The following KHDRBS2 variants were observed in gnomAD, a reference collection of about 807,000 sequenced individuals.
The protein encoded by KHDRBS2 is KH RNA binding domain containing, signal transduction associated 2.
Under a neutral mutation model 44.3 loss-of-function variants are expected in KHDRBS2, and 26 were observed. That is an observed-to-expected ratio of 0.59 (90% CI 0.43 to 0.81). The LOEUF is 0.81. Among genes scored for constraint, KHDRBS2 ranks in the 40% least tolerant of loss-of-function variants. The pLI is 0.00. For missense variants in KHDRBS2, 476 were observed against 433.1 expected (o/e 1.10, Z -0.88); for synonymous variants, 194 against 151.1 (o/e 1.28, Z -2.08).
chr6:61,866,270 G>A (rs181874457), intron 6 of KHDRBS2, among the ~76,000 whole-genome samples: 1 of 152,198 alleles, frequency 6.6e-6, no homozygotes, highest in South Asian at 2.1e-4. Context: ...AATCTAGGTG[G>A]AGGCTCCCAA....
At chr6:62,219,167 CTAAA>C (rs1189809624) in intron 1 of KHDRBS2, among the ~76,000 whole-genome samples, 1 of 148,490 alleles carries the variant, frequency 6.7e-6, no homozygotes, top group African/African-American at 2.4e-5. Flanking sequence ...AAATAAAAAA[CTAAA>C]TAGGCAGATT....
chr6:61,671,898 A>C, the KHDRBS2 span, among the ~76,000 whole-genome samples: 62,697 of 151,242 alleles, frequency 0.41, 13,314 homozygotes, highest in Middle Eastern at 0.51. Context: ...GCACAATGTG[A>C]AGGTTAGTTA....
chr6:62,049,908 T>C (rs1788597510), intron 2 of KHDRBS2, among the ~76,000 whole-genome samples: 1 of 152,010 alleles, frequency 6.6e-6, no homozygotes. Flanking sequence ...TAGAACCAGA[T>C]ATACCACTTG....
chr6:62,199,325 A>G (rs1315028008), intron 1 of KHDRBS2, among the ~76,000 whole-genome samples: 2 of 152,200 alleles, frequency 1.3e-5, no homozygotes, highest in Admixed American at 6.5e-5. Context: ...ACATGATTGT[A>G]TATCTAGAAA....
intron 1 of KHDRBS2, among the ~76,000 whole-genome samples, chr6:62,239,572 C>T (rs2150165915): frequency 1.3e-5 from 1 of 74,774 alleles, no homozygotes; most frequent in Admixed American, 1.1e-4. Context: ...GACCCCATCT[C>T]AATTAAATAA....
intron 4 of KHDRBS2, among the ~76,000 whole-genome samples, chr6:61,950,204 A>AT (rs1764456579): frequency 6.6e-6 from 1 of 151,996 alleles, no homozygotes; most frequent in Admixed American, 6.6e-5. Flanking sequence ...TTGCATCTTA[A>AT]TTTTCTTTCC....
chr6:61,975,708 T>C (rs1211357273), intron 4 of KHDRBS2, among the ~76,000 whole-genome samples: 3 of 150,052 alleles, frequency 2.0e-5, no homozygotes, highest in African/African-American at 7.4e-5. Flanking sequence ...CTGAAGGTGA[T>C]AGGAGCTATG....
At chr6:61,659,859 A>C in the KHDRBS2 span, among the ~76,000 whole-genome samples, 3 of 151,852 alleles carry the variant, frequency 2.0e-5, no homozygotes. Flanking sequence ...TGAGCAGGCC[A>C]TACTGTTTAA....
chr6:61,719,298 C>T (rs1314828243), intron 7 of KHDRBS2, among the ~76,000 whole-genome samples: 1 of 151,866 alleles, frequency 6.6e-6, no homozygotes, highest in Admixed American at 6.6e-5. Flanking sequence ...CCACTTGTAT[C>T]TAAGTAAATG....
chr6:61,930,651 G>A (rs751361250), intron 4 of KHDRBS2, among the ~76,000 whole-genome samples: 16 of 148,138 alleles, frequency 1.1e-4, no homozygotes, highest in Non-Finnish European at 2.1e-4. Flanking sequence ...GAGCCAAGAT[G>A]GCGCCACTGC....
intron 2 of KHDRBS2, among the ~76,000 whole-genome samples, chr6:62,174,116 A>C (rs1283424790): frequency 6.6e-6 from 1 of 151,778 alleles, no homozygotes; most frequent in Non-Finnish European, 1.5e-5. Context: ...AGAAAGCCAA[A>C]CTATCCTTAT....
intron 4 of KHDRBS2, among the ~76,000 whole-genome samples, chr6:61,956,942 C>CA: frequency 6.6e-6 from 1 of 151,770 alleles, no homozygotes; most frequent in African/African-American, 2.4e-5. Context: ...TCATCATCAT[C>CA]TGTTGTGGGA....
chr6:62,025,606 T>C (rs1333855637), intron 3 of KHDRBS2, among the ~76,000 whole-genome samples: 2 of 152,000 alleles, frequency 1.3e-5, no homozygotes, highest in African/African-American at 2.4e-5. Flanking sequence ...CTTCAACAAA[T>C]AACAAGTTTG....
chr6:61,597,161 T>C, the KHDRBS2 span, among the ~76,000 whole-genome samples: 1 of 152,224 alleles, frequency 6.6e-6, no homozygotes, highest in East Asian at 1.9e-4. Flanking sequence ...ATCTTTCTCA[T>C]GTAAAAATTT....
At chr6:61,596,331 A>T in the KHDRBS2 span, among the ~76,000 whole-genome samples, 1 of 152,190 alleles carries the variant, frequency 6.6e-6, no homozygotes, top group African/African-American at 2.4e-5. Flanking sequence ...CCACGCAAAA[A>T]ATTTTAAATT....
intron 3 of KHDRBS2, among the ~76,000 whole-genome samples, chr6:61,992,686 A>C (rs9445772): frequency 0.018 from 2,802 of 152,222 alleles, 94 homozygotes; most frequent in African/African-American, 0.065. Flanking sequence ...TTAAAATCAT[A>C]TATAAATGGT....
At chr6:61,618,303 C>A in the KHDRBS2 span, among the ~76,000 whole-genome samples, 1 of 152,132 alleles carries the variant, frequency 6.6e-6, no homozygotes, top group Non-Finnish European at 1.5e-5. Context: ...TTCAGTCTAC[C>A]ACTATACATG....
intron 2 of KHDRBS2, among the ~76,000 whole-genome samples, chr6:62,132,952 G>A (rs1001280739): frequency 9.9e-5 from 15 of 152,128 alleles, no homozygotes; most frequent in Admixed American, 1.3e-4. Context: ...ACTCAACAGC[G>A]TTTTTCCATA....
intron 3 of KHDRBS2, among the ~76,000 whole-genome samples, chr6:61,989,312 G>C (rs1270116912): frequency 6.6e-6 from 1 of 152,156 alleles, no homozygotes; most frequent in African/African-American, 2.4e-5. Flanking sequence ...TCTGTCAAAG[G>C]ATAGGAGCCT....
Sources: gnomAD v4.1 joint callset for allele counts (sites outside exome capture counted in the v4.1 genomes callset) on GRCh38, gnomAD v4.1.1 for gene constraint, MANE v1.5 for transcripts, NCBI Gene and HGNC (gene_info 2026-07-23, HGNC 2026-07-21) for gene names.